PPP1R3E: variants seen among roughly 807,000 people sequenced by gnomAD.
PPP1R3E encodes the protein protein phosphatase 1, regulatory (inhibitor) subunit 3E.
In PPP1R3E, 20 loss-of-function variants were observed where a neutral mutation model predicts 18.5. That is an observed-to-expected ratio of 1.08 (90% confidence interval 0.76 to 1.58). PPP1R3E has a LOEUF of 1.58. PPP1R3E is among the 40% of genes most tolerant of loss of function. The pLI is 0.00. For synonymous variants in PPP1R3E, 208 were observed against 208.1 expected, an observed-to-expected ratio of 1.00 and a Z score of 0.00; for missense variants, 498 against 460.2, an observed-to-expected ratio of 1.08 and a Z score of -0.75.
chr14:23,300,597 A>AT (rs1450352797), intron 3 of PPP1R3E, 161 bp downstream of exon 3: 1 of 152,244 alleles, frequency 6.6e-6, no homozygotes, highest in Non-Finnish European at 1.5e-5. Context: ...CTTGGAGGTT[A>AT]TTAAAAGGCA....
chr14:23,300,980 C>G (rs1041446759), intron 2 of PPP1R3E, 116 bp from the exon 3 acceptor site: 1 of 158,104 alleles, frequency 6.3e-6, no homozygotes, highest in Non-Finnish European at 1.4e-5. Context: ...TAAATGCCTT[C>G]GACTGGGTGG....
At position 23,296,448 on chromosome 14, in the gene PPP1R3E, C is replaced by A. The variant is rs984463893; in HGVS notation, c.*2856G>T. On this transcript the variant is annotated 3_prime_UTR_variant, in exon 5 of 5. Transcript: ENST00000452015. ...CTCAGTAACCTCCAACTCCTGGGCT[C>A]AAGCGATCCTCCTGTCTCAGCTTCC... The A allele has an allele frequency of 2.6e-5, 4 of 152,112 alleles. No homozygotes were observed. Among genetic ancestry groups the A allele is most frequent in the Non-Finnish European group, 5.9e-5 (4 of 68,068 alleles). 9.4% of individuals were successfully genotyped at this position (152,112 alleles called of 1,614,324 possible). A position where few individuals can be genotyped will look rare whatever the true frequency, so the allele number is the denominator to read the frequency against.
chr14:23,302,554 C>T lies in PPP1R3E; in HGVS notation c.23G>A (p.Gly8Asp), dbSNP rs1236806592. The T allele has an allele frequency of 1.3e-6, 2 of 1,481,606 alleles. No individual in the cohort carries two copies. Among genetic ancestry groups the T allele is most frequent in the African/African-American group, 1.5e-5 (1 of 68,258 alleles). The allele number at this position is 1,481,606 out of a possible 1,614,324, so 91.8% of individuals were successfully genotyped here. ...GCTCAGGTTGCGGGGAATGTCGGTGCCCGGGGGCCGCTCACGGGACATGGC... is the reference window on the plus strand; with the variant it reads ...GCTCAGGTTGCGGGGAATGTCGGTGTCCGGGGGCCGCTCACGGGACATGGC... MSRERPP[G>D]TDIPRNLSFI... The change falls in exon 1 of 5, where the codon GGC becomes GAC. Residue 8 changes from glycine (G) to aspartate (D), a missense_variant. Gly to Asp is a moderately conservative substitution (Grantham distance 94). Coordinates refer to ENST00000452015, the MANE Select transcript of PPP1R3E (RefSeq NM_001276318.2).
chr14:23,302,745 C>T lies in PPP1R3E; in HGVS notation c.-169G>A. Reference sequence around the variant, plus strand: ...CTCCAGGATCCTCCACCTCCCGTTGCTTTGCCTCTCCTCTGTGACCACCCT... The same window carrying T: ...CTCCAGGATCCTCCACCTCCCGTTGTTTTGCCTCTCCTCTGTGACCACCCT... On this transcript the variant is annotated 5_prime_UTR_variant, in exon 1 of 5. Coordinates refer to ENST00000452015, the MANE Select transcript of PPP1R3E (RefSeq NM_001276318.2). 3 of 651,920 alleles carry T rather than the reference C, an allele frequency of 4.6e-6. No individual in the cohort carries two copies. Among genetic ancestry groups the T allele is most frequent in the Non-Finnish European group, 7.2e-6 (3 of 415,900 alleles). 40.4% of individuals were successfully genotyped at this position (651,920 alleles called of 1,614,324 possible).
Position 23,301,804 on chromosome 14 carries a change from G to A in PPP1R3E, c.472C>T (p.Leu158=). 1 of 1,472,156 alleles carries A rather than the reference G, an allele frequency of 6.8e-7. No homozygotes were observed. The highest frequency in any genetic ancestry group is 1.3e-5 in the South Asian group (1 of 77,666). 91.2% of individuals were successfully genotyped at this position (1,472,156 alleles called of 1,614,324 possible). A position where few individuals can be genotyped will look rare whatever the true frequency, so the allele number is the denominator to read the frequency against. ...CGTTCCAGGCAGATGCGCTGCGTCA[G>A]CAAGCGGGCGGCGAAGCCGGGCTCG... ...ASEPGFAARL[L]TQRICLERAE... Residue 158 remains leucine, a synonymous_variant, in exon 2 of 5, where the codon CTG becomes TTG. Transcript: ENST00000452015.
rs1886878403 is a variant in PPP1R3E, at chr14:23,296,326, A to G, written c.*2978T>C. The G allele has an allele frequency of 6.6e-6, 1 of 152,070 alleles. No homozygotes were observed. Among genetic ancestry groups the G allele is most frequent in the African/African-American group, 2.4e-5 (1 of 41,408 alleles). 9.4% of individuals were successfully genotyped at this position (152,070 alleles called of 1,614,324 possible). ...AACATTTCTGATGTTATCCCTTGCC[A>G]TGAAGAATCACGGGCTTGTGTAGAG... On this transcript the variant is annotated 3_prime_UTR_variant, in exon 5 of 5. Transcript: ENST00000452015.
At position 23,299,491 on chromosome 14, in the gene PPP1R3E, A is replaced by T. The variant is rs28373872; in HGVS notation, c.*296T>A. The T allele has an allele frequency of 0.073, 11,160 of 153,606 alleles. 1,375 individuals are homozygous for T. The highest frequency in any genetic ancestry group is 0.25 in the African/African-American group (10,556 of 41,490). The allele number at this position is 153,606 out of a possible 1,614,324, so 9.5% of individuals were successfully genotyped here. On this transcript the variant is annotated 3_prime_UTR_variant, in exon 4 of 5. Transcript: ENST00000452015. ...GACTGTCAAGGAGCCCGAGTGAGGGAAGCAGACCAACCATGGTCTTGGAGA... is the reference window on the plus strand; with the variant it reads ...GACTGTCAAGGAGCCCGAGTGAGGGTAGCAGACCAACCATGGTCTTGGAGA...
Position 23,296,535 on chromosome 14 carries a change from A to T in PPP1R3E, c.*2769T>A, listed in dbSNP as rs1886885603. The T allele has an allele frequency of 6.6e-6, 1 of 152,014 alleles. No individual in the cohort carries two copies. Among genetic ancestry groups the T allele is most frequent in the Non-Finnish European group, 1.5e-5 (1 of 68,044 alleles). The allele number at this position is 152,014 out of a possible 1,614,324, so 9.4% of individuals were successfully genotyped here. A position where few individuals can be genotyped will look rare whatever the true frequency, so the allele number is the denominator to read the frequency against. On this transcript the variant is annotated 3_prime_UTR_variant, in exon 5 of 5. Transcript: ENST00000452015. ...CAGCTAATTTTAAAAGTTTTTGTAG[A>T]GACAGGGTCCCACTATGTTGCTCAG...
chr14:23,302,612 CCACCGCG>C lies in PPP1R3E; in HGVS notation c.-43_-37del. ...TCCCCGGCGGGGCCAGCTCGCAGCG[CCACCGCG>C]CTCCCCTCTCTTCCTCTCTCCCGCC... On this transcript the variant is annotated 5_prime_UTR_variant, in exon 1 of 5. Transcript: ENST00000452015. 1.4e-6 allele frequency: 2 copies of C among 1,399,890 alleles called. No homozygotes were observed. Among genetic ancestry groups the C allele is most frequent in the Non-Finnish European group, 1.8e-6 (2 of 1,087,066 alleles). 86.7% of individuals were successfully genotyped at this position (1,399,890 alleles called of 1,614,324 possible).
At position 23,302,416 on chromosome 14, in the gene PPP1R3E, C is replaced by T. The variant is rs1185025622; in HGVS notation, c.161G>A (p.Arg54His). The change falls in exon 1 of 5, where the codon CGC becomes CAC. Residue 54 changes from arginine (R) to histidine (H), a missense_variant. Coordinates refer to ENST00000452015, the MANE Select transcript of PPP1R3E (RefSeq NM_001276318.2). The stretch of plus-strand genomic sequence containing the variant: ...GCGGCCCCGACTCGGTGCGTGAGCG[C>T]GGGATCGGGCCCCGAACCGCGTCCC... ...EGGTRFGARS[R>H]AHAPSRGRRA... 1.3e-6 allele frequency: 2 copies of T among 1,493,606 alleles called. No individual in the cohort carries two copies. The highest frequency in any genetic ancestry group is 2.3e-5 in the Admixed American group (1 of 44,214). 92.5% of individuals were successfully genotyped at this position (1,493,606 alleles called of 1,614,324 possible). A position where few individuals can be genotyped will look rare whatever the true frequency, so the allele number is the denominator to read the frequency against.
Position 23,302,319 on chromosome 14 carries a change from CTT to C in PPP1R3E, c.256_257del (p.Lys86GlufsTer22), listed in dbSNP as rs1339268821. The part of the protein sequence containing the change: ...APRSRSPDTR[K>X]RVRFADALGL... ...CCAGTGCGTCGGCGAAACGCACTCT[CTT>C]GCGGGTGTCTGGGCTACGGCTGCGG... On this transcript the variant is annotated frameshift_variant, in exon 1 of 5. Transcript: ENST00000452015. LOFTEE classifies it high-confidence loss of function. 7.3e-6 allele frequency: 11 copies of C among 1,516,180 alleles called. No homozygotes were observed. The highest frequency in any genetic ancestry group is 1.8e-4 in the Middle Eastern group (1 of 5,678). The allele number at this position is 1,516,180 out of a possible 1,614,324, so 93.9% of individuals were successfully genotyped here. A position where few individuals can be genotyped will look rare whatever the true frequency, so the allele number is the denominator to read the frequency against.
In PPP1R3E at chr14:23,302,786, G is replaced by T. The variant is rs148948490; in HGVS notation, c.-210C>A. On this transcript the variant is annotated 5_prime_UTR_variant, in exon 1 of 5. Transcript: ENST00000452015. ...TGACCACCCTTCCCTCCCTCTGGCC[G>T]TCAGCTTCCAGGGTCTTAGACTATC... The T allele has an allele frequency of 5.7e-4, 299 of 524,888 alleles. No individual in the cohort carries two copies. Among genetic ancestry groups the T allele is most frequent in the African/African-American group, 5.5e-3 (271 of 49,444 alleles). The allele number at this position is 524,888 out of a possible 1,614,324, so 32.5% of individuals were successfully genotyped here. A position where few individuals can be genotyped will look rare whatever the true frequency, so the allele number is the denominator to read the frequency against.
At position 23,301,530 on chromosome 14, in the gene PPP1R3E, T is replaced by C; in HGVS notation, c.746A>G (p.Asp249Gly). 1 of 1,500,580 alleles carries C rather than the reference T, an allele frequency of 6.7e-7. No homozygotes were observed. The highest frequency in any genetic ancestry group is 8.8e-7 in the Non-Finnish European group (1 of 1,130,710). 93.0% of individuals were successfully genotyped at this position (1,500,580 alleles called of 1,614,324 possible). The change falls in exon 2 of 5, where the codon GAC becomes GGC. Residue 249 changes from aspartate to glycine, a missense_variant. Physicochemically the swap from Asp to Gly is moderately conservative, Grantham distance 94. Coordinates refer to ENST00000452015, the MANE Select transcript of PPP1R3E (RefSeq NM_001276318.2). ...AGCATAGTCACGGCCGCCGTTGTTG[T>C]CCCAGAACTCGTGACCTGTCACACG... is the stretch of plus-strand genomic sequence containing the variant. ...RYRVTGHEFWDNNGGRDYALR... is the reference protein window; with the variant it reads ...RYRVTGHEFWGNNGGRDYALR...
rs1594974900 is a variant in PPP1R3E, at chr14:23,302,201, G to A, written c.376C>T (p.Arg126Cys). 2 of 1,459,316 alleles carry A rather than the reference G, an allele frequency of 1.4e-6. No individual in the cohort carries two copies. Among genetic ancestry groups the A allele is most frequent in the South Asian group, 1.4e-5 (1 of 73,694 alleles). The allele number at this position is 1,459,316 out of a possible 1,614,324, so 90.4% of individuals were successfully genotyped here. The change falls in exon 1 of 5, where the codon CGC becomes TGC. Residue 126 changes from arginine (R) to cysteine (C), a missense_variant. Coordinates refer to ENST00000452015, the MANE Select transcript of PPP1R3E (RefSeq NM_001276318.2). ...CGGGGCTGGCAGGGCGCGAAGTGGC[G>A]GAGGGCGTCCCTCTGCAATTGGATC... Reference protein sequence around the residue: ...VQIQLQRDALRHFAPCQPRAR... With the variant: ...VQIQLQRDALCHFAPCQPRAR...
rs1439179606 is a variant in PPP1R3E at position 23,296,452 on chromosome 14, C to T, written c.*2852G>A. On this transcript the variant is annotated 3_prime_UTR_variant, in exon 5 of 5. Transcript: ENST00000452015. ...GTAACCTCCAACTCCTGGGCTCAAG[C>T]GATCCTCCTGTCTCAGCTTCCTGAG... 2.6e-5 allele frequency: 4 copies of T among 151,946 alleles called. No individual in the cohort carries two copies. The highest frequency in any genetic ancestry group is 7.3e-5 in the African/African-American group (3 of 41,348). The allele number at this position is 151,946 out of a possible 1,614,324, so 9.4% of individuals were successfully genotyped here.
chr14:23,302,272 C>A lies in PPP1R3E; in HGVS notation c.305G>T (p.Arg102Leu). 6.6e-7 allele frequency: 1 copy of A among 1,521,800 alleles called. No individual in the cohort carries two copies. The highest frequency in any genetic ancestry group is 1.2e-5 in the South Asian group (1 of 82,642). The allele number at this position is 1,521,800 out of a possible 1,614,324, so 94.3% of individuals were successfully genotyped here. The stretch of plus-strand genomic sequence containing the variant: ...GGGCAGCTCACCGGGACGGAAGCGG[C>A]GCACGACAGCCAGCTCCAACCCCAG... ...DALGLELAVV[R>L]RFRPGELPRV... is the part of the protein sequence containing the mutation. The change falls in exon 1 of 5, where the codon CGC becomes CTC. Residue 102 changes from arginine (R) to leucine (L), a missense_variant. Transcript: ENST00000452015.
intron 1 of PPP1R3E, 131 bp from the exon 2 acceptor site, chr14:23,301,989 A>C (rs938454522): frequency 1.6e-6 from 2 of 1,255,102 alleles, no homozygotes; most frequent in Admixed American, 3.8e-5. Flanking sequence ...AGTGCGGCCC[A>C]GCTGCCAGGG....
Position 23,301,385 on chromosome 14 carries a change from C to A in PPP1R3E, c.*51G>T. 7.6e-6 allele frequency: 10 copies of A among 1,321,924 alleles called. No individual in the cohort carries two copies. Among genetic ancestry groups the A allele is most frequent in the Non-Finnish European group, 9.7e-6 (10 of 1,034,574 alleles). The allele number at this position is 1,321,924 out of a possible 1,614,324, so 81.9% of individuals were successfully genotyped here. A position where few individuals can be genotyped will look rare whatever the true frequency, so the allele number is the denominator to read the frequency against. On this transcript the variant is annotated 3_prime_UTR_variant, in exon 2 of 5. Transcript: ENST00000452015. ...TCCTCCCCGCCACATCGGGTCGCCC[C>A]GCCCCCGGGTGCCTTTGGTGTTTTC...
rs1886901362 is a variant in PPP1R3E, at chr14:23,297,171, T to G, written c.*2133A>C. ...ATATTCCAAATTGCTCCTGTTCATA[T>G]AGTCATGAGCCATCAGAGGAGTTTC... On this transcript the variant is annotated 3_prime_UTR_variant, in exon 5 of 5. Coordinates refer to ENST00000452015, the MANE Select transcript of PPP1R3E (RefSeq NM_001276318.2). The G allele has an allele frequency of 1.3e-5, 2 of 152,278 alleles. No homozygotes were observed. 9.4% of individuals were successfully genotyped at this position (152,278 alleles called of 1,614,324 possible).
Sources: allele counts gnomAD v4.1 joint callset, GRCh38; gene constraint gnomAD v4.1.1; transcripts MANE v1.5; gene names NCBI Gene and HGNC (gene_info 2026-07-23, HGNC 2026-07-21).